The following ZSCAN20 variants were observed in gnomAD, a reference collection of about 807,000 sequenced individuals.
ZSCAN20 encodes the protein zinc finger and SCAN domain containing 20, also known as zinc finger and SCAN domain-containing protein 20.
A neutral mutation model predicts 97.1 loss-of-function variants in ZSCAN20; 39 were observed. The observed-to-expected ratio is 0.40, with a 90% CI of 0.31 to 0.52. The LOEUF (loss-of-function observed/expected upper bound fraction) is 0.52. ZSCAN20 is among the 20% of genes least tolerant of loss of function. ZSCAN20 has a pLI of 0.49. For synonymous variants in ZSCAN20, 456 were observed against 467.3 expected (o/e 0.98, Z 0.31); for missense variants, 1,115 against 1,290.4 (o/e 0.86, Z 2.08).
rs147887592 is a variant in ZSCAN20 at position 33,496,935 on chromosome 1, T to C, written c.*1459T>C. 4.6e-5 allele frequency among the ~76,000 whole-genome samples: 7 copies of C among 152,368 alleles called. No individual in the cohort carries two copies. Among genetic ancestry groups the C allele is most frequent in the Admixed American group, 1.3e-4 (2 of 15,304 alleles). ...GATGGTTTTAACATTTGCAGCACTTTGGCCTCCAGAGTTTCTCCTTAGAAG... is the reference window on the plus strand; with the variant it reads ...GATGGTTTTAACATTTGCAGCACTTCGGCCTCCAGAGTTTCTCCTTAGAAG... On this transcript the variant is annotated 3_prime_UTR_variant, in exon 8 of 8. Transcript: ENST00000684572.
chr1:33,494,482 A>C lies in ZSCAN20; in HGVS notation c.2138A>C (p.Asp713Ala), dbSNP rs202052045. The C allele has an allele frequency of 2.5e-3, 4,009 of 1,614,218 alleles. 13 individuals carry two copies. The highest frequency in any genetic ancestry group is 3.0e-3 in the Non-Finnish European group (3,545 of 1,180,018). The change falls in exon 8 of 8, where the codon GAC (aspartate) becomes GCC (alanine). Residue 713 changes from aspartate (D) to alanine (A), a missense_variant. Coordinates refer to ENST00000684572, the MANE Select transcript of ZSCAN20 (RefSeq NM_001377376.1). The stretch of plus-strand genomic sequence containing the variant: ...CTTGCAGAGAAACCCTACAAGTGTG[A>C]CACATGCATGAAGAGCTTCAGTCGG... The part of the protein sequence containing the change: ...LYLAEKPYKC[D>A]TCMKSFSRSS...
chr1:33,474,590 G>A (rs914681773), intron 1 of ZSCAN20, among the ~76,000 whole-genome samples: 1 of 152,194 alleles, frequency 6.6e-6, no homozygotes, highest in Non-Finnish European at 1.5e-5. Flanking sequence ...GGTCTTTCTG[G>A]ATATTGGAAG....
At chr1:33,488,868 C>T (rs577110553) in intron 3 of ZSCAN20, among the ~76,000 whole-genome samples, 1 of 60,454 alleles carries the variant, frequency 1.7e-5, no homozygotes, top group South Asian at 4.7e-4. Context: ...AGTCCTGCAG[C>T]AGGTGCAGGC....
intron 5 of ZSCAN20, among the ~76,000 whole-genome samples, 167 bp downstream of exon 5, chr1:33,489,769 G>C (rs1652523356): frequency 6.6e-6 from 1 of 152,172 alleles, no homozygotes; most frequent in African/African-American, 2.4e-5. Flanking sequence ...GGCAGGGATG[G>C]AGTCTGCCTG....
At chr1:33,476,377 T>C (rs1651940757) in intron 1 of ZSCAN20, among the ~76,000 whole-genome samples, 2 of 152,242 alleles carry the variant, frequency 1.3e-5, no homozygotes, top group South Asian at 4.1e-4. Context: ...GGCTTTCCGA[T>C]TTCTATTTGA....
rs765082772 is a variant in ZSCAN20 at position 33,494,359 on chromosome 1, A to G, written c.2015A>G (p.Glu672Gly). ...GGAGAAGACAGTGAAAATGAAAATG[A>G]AGATGAAGGGCAGTGGGGAAATCCC... Reference protein sequence around the residue: ...DWGEDSENENEDEGQWGNPSQ... With the variant: ...DWGEDSENENGDEGQWGNPSQ... The change falls in exon 8 of 8, where the codon GAA (glutamate) becomes GGA (glycine). Residue 672 changes from glutamate (E) to glycine (G), a missense_variant. Coordinates refer to ENST00000684572, the MANE Select transcript of ZSCAN20 (RefSeq NM_001377376.1). 1.5e-5 allele frequency: 25 copies of G among 1,614,098 alleles called. No homozygotes were observed. In the East Asian group the frequency reaches 4.0e-4, roughly 26 times the overall value.
intron 1 of ZSCAN20, among the ~76,000 whole-genome samples, chr1:33,475,098 T>A (rs1651870591): frequency 6.6e-6 from 1 of 152,208 alleles, no homozygotes. Context: ...TAATGTTCTT[T>A]CCATTCTCCC....
intron 2 of ZSCAN20, among the ~76,000 whole-genome samples, chr1:33,487,959 G>A (rs1285422112): frequency 1.3e-5 from 2 of 152,082 alleles, no homozygotes; most frequent in Non-Finnish European, 2.9e-5. Flanking sequence ...GCCTCCATCT[G>A]TAATTCTTTG....
chr1:33,476,726 AT>A (rs1651952895), intron 1 of ZSCAN20, among the ~76,000 whole-genome samples: 1 of 152,236 alleles, frequency 6.6e-6, no homozygotes, highest in South Asian at 2.1e-4. Context: ...TCAAAAAGAA[AT>A]TTCATGAAAG....
chr1:33,487,266 T>C (rs1652406387), intron 2 of ZSCAN20, among the ~76,000 whole-genome samples: 2 of 152,338 alleles, frequency 1.3e-5, no homozygotes, highest in South Asian at 2.1e-4. Flanking sequence ...GAGTCTATTA[T>C]CTATTGAAAA....
chr1:33,486,382 T>C (rs1652367014), intron 2 of ZSCAN20, among the ~76,000 whole-genome samples: 2 of 152,244 alleles, frequency 1.3e-5, no homozygotes, highest in Non-Finnish European at 2.9e-5. Flanking sequence ...TCTGCTCCAC[T>C]AAGTTGTGAT....
intron 2 of ZSCAN20, 41 bp from the exon 3 acceptor site, chr1:33,488,424 T>TA (rs765618280): frequency 2.5e-6 from 4 of 1,599,334 alleles, no homozygotes; most frequent in Middle Eastern, 3.3e-4. Context: ...AAGTGGGTCT[T>TA]ACTGAATTGT....
In ZSCAN20 at chr1:33,494,358, G is replaced by A; in HGVS notation, c.2014G>A (p.Glu672Lys). The stretch of plus-strand genomic sequence containing the variant: ...GGGAGAAGACAGTGAAAATGAAAAT[G>A]AAGATGAAGGGCAGTGGGGAAATCC... ...DWGEDSENEN[E>K]DEGQWGNPSQ... is the part of the protein sequence containing the mutation. Residue 672 changes from glutamate (E) to lysine (K), a missense_variant, in exon 8 of 8, where the codon GAA becomes AAA. By Grantham distance (56) the Glu-to-Lys change is moderately conservative. Around this residue, in one of 3 missense-constraint regions of ZSCAN20, gnomAD observed 554 missense variants for 584.9 expected, o/e 0.95. Coordinates refer to ENST00000684572, the MANE Select transcript of ZSCAN20 (RefSeq NM_001377376.1). 6.2e-7 allele frequency: 1 copy of A among 1,614,186 alleles called. No individual in the cohort carries two copies.
intron 2 of ZSCAN20, among the ~76,000 whole-genome samples, chr1:33,485,930 C>T (rs1476528421): frequency 6.6e-6 from 1 of 152,032 alleles, no homozygotes; most frequent in African/African-American, 2.4e-5. Flanking sequence ...TGGACTCTGA[C>T]CTTTGCCAGT....
chr1:33,494,781 C>G lies in ZSCAN20; in HGVS notation c.2437C>G (p.Gln813Glu). 1 of 1,614,126 alleles carries G rather than the reference C, an allele frequency of 6.2e-7. No individual in the cohort carries two copies. Among genetic ancestry groups the G allele is most frequent in the Admixed American group, 1.7e-5 (1 of 60,008 alleles). Residue 813 changes from glutamine (Q) to glutamate (E), a missense_variant, in exon 8 of 8, where the codon CAG becomes GAG. Physicochemically the swap from Gln to Glu is conservative, Grantham distance 29 (BLOSUM62 2). Transcript: ENST00000684572. ...FNQSSNLLKH[Q>E]RIHLGGNPDQ... ...CCAGAGCTCAAACCTTCTGAAACAT[C>G]AGAGAATCCACTTGGGAGGAAATCC...
chr1:33,475,427 T>A (rs10798954), intron 1 of ZSCAN20, among the ~76,000 whole-genome samples: 63,753 of 152,096 alleles, frequency 0.42, 13,549 homozygotes, highest in Non-Finnish European at 0.46. Flanking sequence ...AATAAACTAA[T>A]CAGCACAGCT....
chr1:33,497,386 T>G lies in ZSCAN20; in HGVS notation c.*1910T>G, dbSNP rs925764327. 1.3e-5 allele frequency among the ~76,000 whole-genome samples: 2 copies of G among 152,090 alleles called. No individual in the cohort carries two copies. The highest frequency in any genetic ancestry group is 2.9e-5 in the Non-Finnish European group (2 of 68,030). On this transcript the variant is annotated 3_prime_UTR_variant, in exon 8 of 8. Coordinates refer to ENST00000684572, the MANE Select transcript of ZSCAN20 (RefSeq NM_001377376.1). ...AGTGATATTGTCTAGTAATGTGAGC[T>G]GAGAGGAAGGATCCTGAGGTGAGGG...
intron 1 of ZSCAN20, among the ~76,000 whole-genome samples, chr1:33,477,264 A>T (rs896289040): frequency 1.3e-5 from 2 of 152,176 alleles, no homozygotes; most frequent in African/African-American, 2.4e-5. Flanking sequence ...TCCTAAGCAT[A>T]TGGAGGCCTT....
Position 33,497,935 on chromosome 1 carries a change from G to T in ZSCAN20, c.*2459G>T, listed in dbSNP as rs1652932321. Among the ~76,000 whole-genome samples, 1 of 152,170 alleles carries T rather than the reference G, an allele frequency of 6.6e-6. No individual in the cohort carries two copies. Among genetic ancestry groups the T allele is most frequent in the African/African-American group, 2.4e-5 (1 of 41,426 alleles). The stretch of plus-strand genomic sequence containing the variant: ...AAATCATGGTGATGCTATGCATTTG[G>T]ATGTCGGCTAGCAGCTAGGGGAGAG... On this transcript the variant is annotated 3_prime_UTR_variant, in exon 8 of 8. Coordinates refer to ENST00000684572, the MANE Select transcript of ZSCAN20 (RefSeq NM_001377376.1).
Sources: allele counts gnomAD v4.1 joint callset (sites outside exome capture counted in the v4.1 genomes callset), GRCh38; gene constraint gnomAD v4.1.1; regional missense constraint gnomAD v4.1.1; transcripts MANE v1.5; gene names NCBI Gene and HGNC (gene_info 2026-07-23, HGNC 2026-07-21).